Variants in VEGFC observed in about 807,000 individuals in gnomAD.
The protein encoded by VEGFC is vascular endothelial growth factor C, also known as FLT4 ligand DHM.
In VEGFC, 12 loss-of-function variants were observed where a neutral mutation model predicts 46.1. That is an observed-to-expected ratio of 0.26 (90% CI 0.17 to 0.42). VEGFC has a LOEUF of 0.42. Among genes scored for constraint, VEGFC ranks in the 10% least tolerant of loss-of-function variants. The probability of loss-of-function intolerance (pLI) is 1.00; values close to 1 mark genes in which losing one functional copy is unlikely to be tolerated. For synonymous variants in VEGFC, 232 were observed against 195.5 expected (o/e 1.19, Z -1.56); for missense variants, 488 against 529.4 (o/e 0.92, Z 0.77).
intron 1 of VEGFC, among the ~76,000 whole-genome samples, chr4:176,776,134 C>T (rs1735809984): frequency 1.3e-5 from 2 of 152,034 alleles, no homozygotes; most frequent in Non-Finnish European, 2.9e-5. Context: ...ATAATCGAGG[C>T]AACATATTAA....
intron 4 of VEGFC, among the ~76,000 whole-genome samples, chr4:176,689,942 G>C (rs1035321776): frequency 6.6e-6 from 1 of 152,120 alleles, no homozygotes; most frequent in African/African-American, 2.4e-5. Flanking sequence ...GTAGGAAATA[G>C]CTATGTTTTG....
At chr4:176,757,164 A>G (rs1181309349) in intron 1 of VEGFC, among the ~76,000 whole-genome samples, 1 of 152,072 alleles carries the variant, frequency 6.6e-6, no homozygotes, top group Non-Finnish European at 1.5e-5. Context: ...TTCATTATTA[A>G]TTATTCCTTA....
chr4:176,732,571 A>G (rs539578157), intron 1 of VEGFC, among the ~76,000 whole-genome samples: 98 of 151,882 alleles, frequency 6.5e-4, no homozygotes, highest in Non-Finnish European at 1.2e-3. Flanking sequence ...GTTTTTGAGA[A>G]AAGAGGATTT....
At chr4:176,707,483 G>C (rs573429716) in intron 4 of VEGFC, among the ~76,000 whole-genome samples, 8 of 152,050 alleles carry the variant, frequency 5.3e-5, no homozygotes, top group African/African-American at 1.2e-4. Flanking sequence ...ATAAAGGGTT[G>C]AGACCAATAT....
At chr4:176,744,365 C>A (rs939669156) in intron 1 of VEGFC, among the ~76,000 whole-genome samples, 7 of 151,042 alleles carry the variant, frequency 4.6e-5, no homozygotes, top group African/African-American at 7.4e-5. Context: ...AAAAAAAAAA[C>A]CTATTTTCTT....
intron 4 of VEGFC, among the ~76,000 whole-genome samples, chr4:176,704,752 T>G (rs1012338966): frequency 6.6e-6 from 1 of 152,202 alleles, no homozygotes; most frequent in African/African-American, 2.4e-5. Flanking sequence ...ATACTTTTAG[T>G]AGTTCTCAAG....
chr4:176,759,744 A>AG lies in VEGFC; in HGVS notation c.148-29999_148-29998insC, dbSNP rs1000909586. On this transcript the variant is annotated intron_variant, in intron 1 of 6. Coordinates refer to ENST00000618562, the MANE Select transcript of VEGFC (RefSeq NM_005429.5). ...ATTTCTCATTTTTAAAAAGTAAAAAAAAATAAAATAATTTAAGTCTTCTAT... is the reference window on the plus strand; with the variant it reads ...ATTTCTCATTTTTAAAAAGTAAAAAAGAAATAAAATAATTTAAGTCTTCTAT... Among the ~76,000 whole-genome samples, 10 of 151,976 alleles carry AG rather than the reference A, an allele frequency of 6.6e-5. 1 individual carries two copies. The Middle Eastern group carries it at 0.014, about 207-fold the overall frequency.
Position 176,727,843 on chromosome 4 carries a change from C to T in VEGFC, c.487G>A (p.Gly163Arg). 1.2e-6 allele frequency: 2 copies of T among 1,613,940 alleles called. No homozygotes were observed. The highest frequency in any genetic ancestry group is 2.2e-5 in the East Asian group (1 of 44,860). Residue 163 changes from glycine (G) to arginine (R), a missense_variant, in exon 3 of 7, where the codon GGG becomes AGG. By Grantham distance (125) the Gly-to-Arg change is moderately radical. Coordinates refer to ENST00000618562, the MANE Select transcript of VEGFC (RefSeq NM_005429.5). Reference protein sequence around the residue: ...KPPCVSVYRCGGCCNSEGLQC... With the variant: ...KPPCVSVYRCRGCCNSEGLQC... ...AGCCCCTCACTATTGCAGCAACCCC[C>T]ACATCTGTAGACGGACACACATGGA...
At chr4:176,732,851 T>G (rs1178537832) in intron 1 of VEGFC, among the ~76,000 whole-genome samples, 1 of 151,880 alleles carries the variant, frequency 6.6e-6, no homozygotes, top group South Asian at 2.1e-4. Flanking sequence ...AATCGAAATA[T>G]TCTGCTTTCC....
intron 1 of VEGFC, among the ~76,000 whole-genome samples, chr4:176,734,455 A>C (rs1021254883): frequency 5.9e-5 from 9 of 151,880 alleles, no homozygotes; most frequent in African/African-American, 1.7e-4. Context: ...ACAAGTGCTC[A>C]GCAAACAGAC....
chr4:176,728,861 C>T (rs1047757459), intron 2 of VEGFC, among the ~76,000 whole-genome samples: 2 of 151,994 alleles, frequency 1.3e-5, no homozygotes, highest in African/African-American at 2.4e-5. Flanking sequence ...TAAATTACTC[C>T]ACCACTTTTT....
chr4:176,735,864 A>G (rs1336732231), intron 1 of VEGFC, among the ~76,000 whole-genome samples: 1 of 151,936 alleles, frequency 6.6e-6, no homozygotes, highest in African/African-American at 2.4e-5. Flanking sequence ...AGTGAATTAT[A>G]TAAAATTGTT....
chr4:176,752,674 C>T (rs138396298), intron 1 of VEGFC, among the ~76,000 whole-genome samples: 128 of 152,164 alleles, frequency 8.4e-4, no homozygotes, highest in African/African-American at 2.9e-3. Flanking sequence ...TAAGTTATAT[C>T]ACACAAAACT....
At chr4:176,706,613 G>A (rs1054006769) in intron 4 of VEGFC, among the ~76,000 whole-genome samples, 4 of 105,986 alleles carry the variant, frequency 3.8e-5, no homozygotes, top group Non-Finnish European at 7.0e-5. Flanking sequence ...GTGATAGAGT[G>A]AGAATCTGTC....
intron 1 of VEGFC, among the ~76,000 whole-genome samples, chr4:176,741,918 G>A (rs1384451316): frequency 2.6e-5 from 4 of 151,994 alleles, no homozygotes; most frequent in East Asian, 1.9e-4. Flanking sequence ...GGAAAATAGC[G>A]ATATGCAGAT....
intron 4 of VEGFC, among the ~76,000 whole-genome samples, chr4:176,694,981 T>C (rs1188736898): frequency 7.7e-6 from 1 of 130,618 alleles, no homozygotes; most frequent in African/African-American, 3.3e-5. Context: ...TTCAAAGCAG[T>C]GTGTAGAGGG....
intron 4 of VEGFC, among the ~76,000 whole-genome samples, chr4:176,696,227 A>G (rs1418064551): frequency 1.3e-5 from 2 of 150,532 alleles, no homozygotes; most frequent in African/African-American, 2.5e-5. Flanking sequence ...TTGTATATCT[A>G]GAAAACCCCA....
chr4:176,734,370 A>G (rs1363760897), intron 1 of VEGFC, among the ~76,000 whole-genome samples: 1 of 151,822 alleles, frequency 6.6e-6, no homozygotes, highest in Non-Finnish European at 1.5e-5. Context: ...TATAATTTGA[A>G]GCATATTTAG....
intron 4 of VEGFC, among the ~76,000 whole-genome samples, chr4:176,694,259 G>T (rs1734265936): frequency 6.6e-6 from 1 of 150,782 alleles, no homozygotes; most frequent in African/African-American, 2.4e-5. Context: ...GACACACATA[G>T]GCTCAAAATA....
Sources: allele counts gnomAD v4.1 joint callset (sites outside exome capture counted in the v4.1 genomes callset), GRCh38; gene constraint gnomAD v4.1.1; transcripts MANE v1.5; gene names NCBI Gene and HGNC (gene_info 2026-07-23, HGNC 2026-07-21).